Variants in SSBP2 observed in about 807,000 individuals in gnomAD.
The protein encoded by SSBP2 is single-stranded DNA-binding protein 2.
Under a neutral mutation model 61.8 loss-of-function variants are expected in SSBP2, and 17 were observed. The ratio of observed to expected loss-of-function variants is 0.28; its 90% confidence interval spans 0.19 to 0.41. The LOEUF (loss-of-function observed/expected upper bound fraction) is 0.41. Ranked by LOEUF, SSBP2 falls within the 10% of genes least tolerant of loss-of-function variation. SSBP2 has a pLI of 1.00. For missense variants in SSBP2, 310 were observed against 458.7 expected (o/e 0.68, Z 2.96); for synonymous variants, 139 against 141.3 (o/e 0.98, Z 0.12).
At chr5:81,474,751 C>A (rs1765475572) in intron 6 of SSBP2, among the ~76,000 whole-genome samples, 189 bp from the exon 7 acceptor site, 3 of 151,962 alleles carry the variant, frequency 2.0e-5, no homozygotes, top group African/African-American at 7.3e-5. Flanking sequence ...GTTCTTAGTT[C>A]TAAAAAGATT....
intron 10 of SSBP2, among the ~76,000 whole-genome samples, chr5:81,459,521 G>A (rs1764396167): frequency 1.3e-5 from 2 of 152,136 alleles, no homozygotes; most frequent in South Asian, 2.1e-4. Context: ...AATGGTTTTT[G>A]TGCTTCTAGG....
At chr5:81,672,761 A>G (rs1172954065) in intron 1 of SSBP2, among the ~76,000 whole-genome samples, 1 of 151,864 alleles carries the variant, frequency 6.6e-6, no homozygotes, top group East Asian at 1.9e-4. Context: ...TTTAGTAGAG[A>G]CGGGATTTCA....
At chr5:81,524,835 C>T (rs935001250) in intron 4 of SSBP2, among the ~76,000 whole-genome samples, 4 of 151,994 alleles carry the variant, frequency 2.6e-5, no homozygotes, top group Non-Finnish European at 5.9e-5. Flanking sequence ...ATCTTTTCTT[C>T]GGCTATTTTG....
chr5:81,473,398 C>T (rs1305192053), intron 8 of SSBP2, among the ~76,000 whole-genome samples: 2 of 152,158 alleles, frequency 1.3e-5, no homozygotes, highest in Non-Finnish European at 2.9e-5. Context: ...CCAATGCACT[C>T]CCTTCCCTTG....
chr5:81,711,191 A>C (rs1338733804), intron 1 of SSBP2, among the ~76,000 whole-genome samples: 6 of 152,060 alleles, frequency 3.9e-5, no homozygotes, highest in African/African-American at 1.4e-4. Flanking sequence ...AAGGGAATTA[A>C]ATAATTAGGT....
At chr5:81,696,370 T>G (rs1753599535) in intron 1 of SSBP2, among the ~76,000 whole-genome samples, 2 of 152,130 alleles carry the variant, frequency 1.3e-5, no homozygotes, top group Admixed American at 1.3e-4. Flanking sequence ...GAGGATACTC[T>G]TTTCTCTCTT....
intron 4 of SSBP2, among the ~76,000 whole-genome samples, chr5:81,594,895 G>C (rs951506484): frequency 6.6e-6 from 1 of 152,140 alleles, no homozygotes; most frequent in African/African-American, 2.4e-5. Flanking sequence ...AAGCAGGAAA[G>C]ATCTAAAATT....
intron 4 of SSBP2, among the ~76,000 whole-genome samples, chr5:81,581,351 G>A (rs970214598): frequency 6.6e-6 from 1 of 152,190 alleles, no homozygotes; most frequent in African/African-American, 2.4e-5. Flanking sequence ...GAATGGAGGT[G>A]TTTGACTAGG....
intron 4 of SSBP2, among the ~76,000 whole-genome samples, chr5:81,591,526 G>T (rs1429504417): frequency 2.6e-5 from 4 of 152,072 alleles, no homozygotes; most frequent in Non-Finnish European, 5.9e-5. Context: ...ATACATTAAA[G>T]ATTCTAATAG....
Position 81,445,122 on chromosome 5 carries a change from A to C in SSBP2, c.778+1746T>G, listed in dbSNP as rs150074498. Among the ~76,000 whole-genome samples, 332 of 123,200 alleles carry C rather than the reference A, an allele frequency of 2.7e-3. 9 individuals carry two copies. The East Asian group carries it at 0.062, about 23-fold the overall frequency. The allele number at this position is 123,200 out of a possible 152,430, so 80.8% of individuals were successfully genotyped here. On this transcript the variant is annotated intron_variant, in intron 12 of 16. Coordinates refer to ENST00000320672, the MANE Select transcript of SSBP2 (RefSeq NM_012446.5). The stretch of plus-strand genomic sequence containing the variant: ...TGGGTGACAGAGGCTCTGTCTCAGC[A>C]AAGAAAAAAAAAATTTTATATATAT...
intron 10 of SSBP2, among the ~76,000 whole-genome samples, chr5:81,454,680 CA>C (rs200812832): frequency 2.9e-5 from 4 of 138,392 alleles, no homozygotes; most frequent in African/African-American, 5.3e-5. Flanking sequence ...AATTCCATCT[CA>C]AAAAAAAATA....
intron 1 of SSBP2, among the ~76,000 whole-genome samples, chr5:81,674,610 T>C (rs1751821005): frequency 6.6e-6 from 1 of 152,336 alleles, no homozygotes; most frequent in African/African-American, 2.4e-5. Context: ...TATTCCTTCC[T>C]AATTCTCCCA....
At chr5:81,701,943 A>G (rs933512716) in intron 1 of SSBP2, among the ~76,000 whole-genome samples, 34 of 152,214 alleles carry the variant, frequency 2.2e-4, no homozygotes, top group African/African-American at 8.0e-4. Context: ...AGTTTAGAAA[A>G]TATTGCATTA....
intron 1 of SSBP2, among the ~76,000 whole-genome samples, chr5:81,749,656 T>C (rs1301763204): frequency 7.2e-6 from 1 of 139,232 alleles, no homozygotes; most frequent in Non-Finnish European, 1.6e-5. Flanking sequence ...CACTGATCTG[T>C]TGCACAGTTT....
intron 6 of SSBP2, among the ~76,000 whole-genome samples, chr5:81,481,639 CTG>C (rs746400761): frequency 4.2e-5 from 6 of 143,894 alleles, no homozygotes; most frequent in East Asian, 2.0e-4. Flanking sequence ...AAAAAACAAA[CTG>C]AAAGTAAAAT....
intron 1 of SSBP2, among the ~76,000 whole-genome samples, chr5:81,651,334 A>G (rs1288627993): frequency 6.6e-6 from 1 of 152,152 alleles, no homozygotes; most frequent in Non-Finnish European, 1.5e-5. Context: ...GATTGATGGC[A>G]TTTACAAAAA....
chr5:81,694,091 G>C (rs1424920876), intron 1 of SSBP2, among the ~76,000 whole-genome samples: 2 of 152,148 alleles, frequency 1.3e-5, no homozygotes, highest in Non-Finnish European at 2.9e-5. Flanking sequence ...GACAAACTTT[G>C]CATGTTCTCA....
chr5:81,447,257 T>A (rs1167819449), intron 11 of SSBP2, among the ~76,000 whole-genome samples: 2 of 152,220 alleles, frequency 1.3e-5, no homozygotes, highest in Admixed American at 6.5e-5. Flanking sequence ...ATATGTATTT[T>A]TAGTTTTTAT....
chr5:81,685,537 A>C (rs1267226856), intron 1 of SSBP2, among the ~76,000 whole-genome samples: 3 of 152,198 alleles, frequency 2.0e-5, no homozygotes, highest in Non-Finnish European at 2.9e-5. Flanking sequence ...TTAAAAAATA[A>C]ATTTTATTAA....
Sources: gnomAD v4.1 joint callset for allele counts (sites outside exome capture counted in the v4.1 genomes callset) on GRCh38, gnomAD v4.1.1 for gene constraint, MANE v1.5 for transcripts, NCBI Gene and HGNC (gene_info 2026-07-23, HGNC 2026-07-21) for gene names.